CDK15: variants seen among roughly 807,000 people sequenced by gnomAD.
CDK15 encodes cyclin-dependent kinase 15.
Under a neutral mutation model 60.3 loss-of-function variants are expected in CDK15, and 62 were observed. That is an observed-to-expected ratio of 1.03 (90% CI 0.84 to 1.27). CDK15 has a LOEUF of 1.27. Ranked by LOEUF, CDK15 falls within the 50% of genes most tolerant of loss-of-function variation. The pLI is 0.00. For missense variants in CDK15, 541 were observed against 527.8 expected, an observed-to-expected ratio of 1.03 and a Z score of -0.25; for synonymous variants, 194 against 195.7, an observed-to-expected ratio of 0.99 and a Z score of 0.07.
At chr2:201,879,327 C>T (rs950953377) in intron 11 of CDK15, among the ~76,000 whole-genome samples, 1 of 152,180 alleles carries the variant, frequency 6.6e-6, no homozygotes, top group African/African-American at 2.4e-5. Flanking sequence ...CTGTGCTTTT[C>T]CCCCTCCAGA....
At chr2:201,812,203 A>C (rs1445517923) in intron 3 of CDK15, among the ~76,000 whole-genome samples, 1 of 151,498 alleles carries the variant, frequency 6.6e-6, no homozygotes, top group Non-Finnish European at 1.5e-5. Context: ...AAAAAAACAA[A>C]AAAACACTAC....
At position 201,880,215 on chromosome 2, in the gene CDK15, C is replaced by T. The variant is rs143075283; in HGVS notation, c.1198+48C>T. 164 of 1,598,996 alleles carry T rather than the reference C, an allele frequency of 1.0e-4. 1 individual carries two copies. The African/African-American group carries it at 1.9e-3, about 18-fold the overall frequency. On this transcript the variant is annotated intron_variant, in intron 12 of 13. Transcript: ENST00000652192. Reference sequence around the variant, plus strand: ...GTGCGTGAGTGCATGTGCGTGAGTGCGTGTGTGTGTAAGTCTTGGTGTCTT... The same window carrying T: ...GTGCGTGAGTGCATGTGCGTGAGTGTGTGTGTGTGTAAGTCTTGGTGTCTT...
intron 10 of CDK15, among the ~76,000 whole-genome samples, chr2:201,865,452 T>C (rs1698582763): frequency 6.6e-6 from 1 of 152,172 alleles, no homozygotes; most frequent in African/African-American, 2.4e-5. Flanking sequence ...TTTCTCAGAA[T>C]CCACAGAAAG....
chr2:201,810,837 CTTTT>C (rs199591982), intron 3 of CDK15, among the ~76,000 whole-genome samples: 10 of 123,634 alleles, frequency 8.1e-5, no homozygotes, highest in South Asian at 2.3e-4. Flanking sequence ...GGTATGCACT[CTTTT>C]TTTTTTTTTT....
intron 8 of CDK15, among the ~76,000 whole-genome samples, chr2:201,836,068 TTATATTTATATATATTTA>T (rs1279574787): frequency 2.7e-4 from 4 of 14,570 alleles, no homozygotes; most frequent in Non-Finnish European, 3.3e-4. Context: ...TTATATATAT[TTATATTTATATATATTTA>T]TATATTTATA....
intron 8 of CDK15, among the ~76,000 whole-genome samples, chr2:201,836,017 T>A (rs1697017490): frequency 1.6e-5 from 2 of 126,916 alleles, no homozygotes; most frequent in South Asian, 2.2e-4. Flanking sequence ...TTTTTATATT[T>A]TTATATATTT....
At chr2:201,890,656 T>G in intron 12 of CDK15, 129 bp from the exon 13 acceptor site, 1 of 637,412 alleles carries the variant, frequency 1.6e-6, no homozygotes, top group Admixed American at 3.0e-5. Context: ...TCAGTATGAA[T>G]TATTAGTAAA....
At chr2:201,806,872 C>A (rs925988851) in intron 1 of CDK15, 85 bp downstream of exon 1, 4 of 1,494,102 alleles carry the variant, frequency 2.7e-6, no homozygotes, top group Non-Finnish European at 3.6e-6. Context: ...GGATCTGATT[C>A]TTCTGCGGTA....
At chr2:201,872,460 C>A in intron 11 of CDK15, 134 bp downstream of exon 11, 1 of 873,906 alleles carries the variant, frequency 1.1e-6, no homozygotes, top group African/African-American at 1.7e-5. Context: ...TAGGAAGATG[C>A]CTCTGGAAGC....
chr2:201,857,592 C>T (rs1320769633), intron 10 of CDK15, among the ~76,000 whole-genome samples: 1 of 152,112 alleles, frequency 6.6e-6, no homozygotes, highest in Non-Finnish European at 1.5e-5. Context: ...GCCCTGCTTC[C>T]ATGGCTTGGA....
At position 201,847,504 on chromosome 2, in the gene CDK15, A is replaced by G. The variant is rs1559133039; in HGVS notation, c.945+30A>G. On this transcript the variant is annotated intron_variant, in intron 9 of 13. Transcript: ENST00000652192. Reference sequence around the variant, plus strand: ...GAGAATAATTCTTCTAAAGAAAATGAAATATCTGCATTTTAAGTTTTGAAC... The same window carrying G: ...GAGAATAATTCTTCTAAAGAAAATGGAATATCTGCATTTTAAGTTTTGAAC... 2.5e-6 allele frequency: 4 copies of G among 1,583,990 alleles called. No individual in the cohort carries two copies. In the South Asian group the frequency reaches 4.5e-5, roughly 18 times the overall value.
intron 10 of CDK15, among the ~76,000 whole-genome samples, chr2:201,869,745 A>T (rs1460552615): frequency 6.6e-6 from 1 of 152,170 alleles, no homozygotes; most frequent in East Asian, 1.9e-4. Flanking sequence ...AACACAGCAC[A>T]TAGACCTCTC....
At chr2:201,860,700 T>C in intron 10 of CDK15, 2 of 1,352,016 alleles carry the variant, frequency 1.5e-6, no homozygotes, top group South Asian at 2.3e-5. Context: ...GATGCCCAGT[T>C]GTTTTTCAGT....
chr2:201,831,011 T>C (rs1696727702), intron 6 of CDK15, among the ~76,000 whole-genome samples: 1 of 152,094 alleles, frequency 6.6e-6, no homozygotes, highest in Non-Finnish European at 1.5e-5. Context: ...GATTGAAGAA[T>C]GGAGACTAAA....
intron 3 of CDK15, among the ~76,000 whole-genome samples, 167 bp from the exon 4 acceptor site, chr2:201,812,316 G>T (rs1695813067): frequency 6.6e-6 from 1 of 151,636 alleles, no homozygotes; most frequent in East Asian, 1.9e-4. Flanking sequence ...GAATATATAT[G>T]TTATATATGT....
chr2:201,877,417 C>A (rs569902099), intron 11 of CDK15, among the ~76,000 whole-genome samples: 1 of 152,078 alleles, frequency 6.6e-6, no homozygotes, highest in Non-Finnish European at 1.5e-5. Flanking sequence ...ACCACCTACC[C>A]GCCCTCCCCA....
At chr2:201,888,730 C>T in intron 12 of CDK15, 6 of 1,206,882 alleles carry the variant, frequency 5.0e-6, no homozygotes, top group Non-Finnish European at 6.2e-6. Flanking sequence ...CTCTCTCTCC[C>T]TCCCTCCCTG....
In CDK15 at chr2:201,895,151, A is replaced by G. The variant is rs1699742435; in HGVS notation, c.*1884A>G. 6.6e-6 allele frequency: 1 copy of G among 152,194 alleles called. No individual in the cohort carries two copies. Among genetic ancestry groups the G allele is most frequent in the African/African-American group, 2.4e-5 (1 of 41,458 alleles). The allele number at this position is 152,194 out of a possible 1,614,324, so 9.4% of individuals were successfully genotyped here. Reference sequence around the variant, plus strand: ...GTGGGATTCCTCTGCCTCTCTGAAGATATGAGAGCTATAGGAGGGATTCCC... The same window carrying G: ...GTGGGATTCCTCTGCCTCTCTGAAGGTATGAGAGCTATAGGAGGGATTCCC... On this transcript the variant is annotated 3_prime_UTR_variant, in exon 14 of 14. Coordinates refer to ENST00000652192, the MANE Select transcript of CDK15 (RefSeq NM_001366386.2).
intron 8 of CDK15, among the ~76,000 whole-genome samples, chr2:201,837,443 AAGGAAAGGAAGGAAGGAAGGAAGG>A (rs1697166413): frequency 1.5e-5 from 1 of 68,230 alleles, no homozygotes; most frequent in African/African-American, 6.9e-5. Flanking sequence ...GGAAGGAAGG[AAGGAAAGGAAGGAAGGAAGGAAGG>A]AAGGAAGGAA....
Sources: allele counts gnomAD v4.1 joint callset (sites outside exome capture counted in the v4.1 genomes callset), GRCh38; gene constraint gnomAD v4.1.1; transcripts MANE v1.5; gene names NCBI Gene and HGNC (gene_info 2026-07-23, HGNC 2026-07-21).